The following GALNT5 variants were observed in gnomAD, a reference collection of about 807,000 sequenced individuals.
GALNT5 encodes the protein polypeptide N-acetylgalactosaminyltransferase 5, also known as UDP-GalNAc:polypeptide N-acetylgalactosaminyltransferase 5.
Under a neutral mutation model 85.4 loss-of-function variants are expected in GALNT5, and 72 were observed. The observed-to-expected ratio is 0.84, with a 90% CI of 0.70 to 1.03. GALNT5 has a LOEUF of 1.03. GALNT5 is among the 50% of genes least tolerant of loss of function. The pLI, the probability that GALNT5 is intolerant of heterozygous loss-of-function variation, is 0.00. For synonymous variants in GALNT5, 404 were observed against 397.0 expected (o/e 1.02, Z -0.21); for missense variants, 1,137 against 1,135.5 (o/e 1.00, Z -0.02).
Position 157,275,708 on chromosome 2 carries a change from G to C in GALNT5, c.1455-8574G>C, listed in dbSNP as rs1382048127. Among the ~76,000 whole-genome samples the C allele has an allele frequency of 5.3e-5, 8 of 152,298 alleles. No individual in the cohort carries two copies. The South Asian group carries it at 1.0e-3, about 20-fold the overall frequency. ...GAGACTTTGCTGAATTTGCTGGTCAGCTTAAGGAGATTTTGGGCTGAAACA... is the reference window on the plus strand; with the variant it reads ...GAGACTTTGCTGAATTTGCTGGTCACCTTAAGGAGATTTTGGGCTGAAACA... On this transcript the variant is annotated intron_variant, in intron 1 of 9. Coordinates refer to ENST00000259056, the MANE Select transcript of GALNT5 (RefSeq NM_014568.3).
intron 1 of GALNT5, among the ~76,000 whole-genome samples, chr2:157,278,587 T>C (rs1682789192): frequency 6.6e-6 from 1 of 152,214 alleles, no homozygotes; most frequent in South Asian, 2.1e-4. Context: ...TGATACCCTT[T>C]CTTCCACTTG....
In GALNT5 at chr2:157,314,355, AAC is replaced by A. The variant is rs1239577447; in HGVS notation, c.*3009_*3010del. 1 of 152,102 alleles carries A rather than the reference AAC, an allele frequency of 6.6e-6. No individual in the cohort carries two copies. Among genetic ancestry groups the A allele is most frequent in the Non-Finnish European group, 1.5e-5 (1 of 68,030 alleles). 9.4% of individuals were successfully genotyped at this position (152,102 alleles called of 1,614,324 possible). A position where few individuals can be genotyped will look rare whatever the true frequency, so the allele number is the denominator to read the frequency against. ...TTTGCACAATTTCTTTCTCCTTTTC[AAC>A]AGTTACCCAGCGCTTCTGCCCTACT... On this transcript the variant is annotated 3_prime_UTR_variant, in exon 10 of 10. Coordinates refer to ENST00000259056, the MANE Select transcript of GALNT5 (RefSeq NM_014568.3).
intron 5 of GALNT5, among the ~76,000 whole-genome samples, 176 bp downstream of exon 5, chr2:157,296,689 A>C (rs1455255342): frequency 6.6e-6 from 1 of 152,204 alleles, no homozygotes; most frequent in African/African-American, 2.4e-5. Flanking sequence ...CCCAAAACTC[A>C]TTCTTCACTG....
rs1683717429 is a variant in GALNT5, at chr2:157,316,949, A to T, written c.*5601A>T. Among the ~76,000 whole-genome samples the T allele has an allele frequency of 6.6e-6, 1 of 152,008 alleles. No homozygotes were observed. ...CAACTTCTAATATGCTGTTTCTAAT[A>T]ATGAGTCACCATCAAATAAGTAATA... On this transcript the variant is annotated 3_prime_UTR_variant, in exon 10 of 10. Coordinates refer to ENST00000259056, the MANE Select transcript of GALNT5 (RefSeq NM_014568.3).
At chr2:157,294,959 C>A (rs1683181185) in intron 3 of GALNT5, among the ~76,000 whole-genome samples, 1 of 56,604 alleles carries the variant, frequency 1.8e-5, no homozygotes, top group South Asian at 1.2e-3. Flanking sequence ...CTCCAAGTTT[C>A]TTTTCCTTTT....
At chr2:157,266,869 T>C (rs1206667285) in intron 1 of GALNT5, among the ~76,000 whole-genome samples, 1 of 152,182 alleles carries the variant, frequency 6.6e-6, no homozygotes, top group Non-Finnish European at 1.5e-5. Context: ...AAGAGATGCA[T>C]GATGGGAATT....
rs1683705243 is a variant in GALNT5 at position 157,316,386 on chromosome 2, T to C, written c.*5038T>C. On this transcript the variant is annotated 3_prime_UTR_variant, in exon 10 of 10. Coordinates refer to ENST00000259056, the MANE Select transcript of GALNT5 (RefSeq NM_014568.3). ...TTTCTAATGGCCTAAAATAAATTTT[T>C]AATGACTCCTGTATTAATATTACCA... Among the ~76,000 whole-genome samples the C allele has an allele frequency of 6.6e-6, 1 of 152,108 alleles. No homozygotes were observed. The highest frequency in any genetic ancestry group is 6.6e-5 in the Admixed American group (1 of 15,252).
intron 8 of GALNT5, among the ~76,000 whole-genome samples, chr2:157,307,106 T>C (rs185040208): frequency 2.0e-5 from 3 of 152,296 alleles, no homozygotes; most frequent in East Asian, 1.9e-4. Flanking sequence ...TGATGACCAT[T>C]GAGTCTTTCT....
At chr2:157,265,973 C>T (rs1682450262) in intron 1 of GALNT5, among the ~76,000 whole-genome samples, 2 of 152,218 alleles carry the variant, frequency 1.3e-5, no homozygotes, top group African/African-American at 4.8e-5. Context: ...CTTGCCTTCT[C>T]ATTTAATCCT....
intron 1 of GALNT5, among the ~76,000 whole-genome samples, chr2:157,275,785 ACTT>A: frequency 6.6e-6 from 1 of 152,156 alleles, no homozygotes; most frequent in East Asian, 1.9e-4. Flanking sequence ...GGACAATTTG[ACTT>A]CTTCTTTTCC....
chr2:157,307,974 G>A (rs1385619576), intron 8 of GALNT5, among the ~76,000 whole-genome samples: 1 of 152,228 alleles, frequency 6.6e-6, no homozygotes, highest in South Asian at 2.1e-4. Context: ...ATGAACTGGG[G>A]GATGCCAACC....
chr2:157,298,831 T>C (rs1431510405), intron 5 of GALNT5: 2 of 152,280 alleles, frequency 1.3e-5, no homozygotes, highest in Non-Finnish European at 2.9e-5. Flanking sequence ...AAACCCAAGG[T>C]GTCTACTGTC....
At chr2:157,288,487 C>A (rs1574025404) in intron 3 of GALNT5, among the ~76,000 whole-genome samples, 2 of 152,212 alleles carry the variant, frequency 1.3e-5, no homozygotes, top group East Asian at 1.9e-4. Context: ...GCAAATGGAA[C>A]AAGAAGTACA....
At chr2:157,308,787 C>A in intron 9 of GALNT5, 59 bp downstream of exon 9, 2 of 1,363,882 alleles carry the variant, frequency 1.5e-6, no homozygotes, top group Non-Finnish European at 2.0e-6. Flanking sequence ...TCAAATAGGA[C>A]ATAAAATTCT....
At chr2:157,266,312 G>T (rs115455743) in intron 1 of GALNT5, among the ~76,000 whole-genome samples, 544 of 152,322 alleles carry the variant, frequency 3.6e-3, no homozygotes, top group Middle Eastern at 0.017. Flanking sequence ...CAGCTCACAA[G>T]TGCCAATGTT....
In GALNT5 at chr2:157,315,037, C is replaced by T. The variant is rs2105177938; in HGVS notation, c.*3689C>T. Among the ~76,000 whole-genome samples, 1 of 152,178 alleles carries T rather than the reference C, an allele frequency of 6.6e-6. No homozygotes were observed. The highest frequency in any genetic ancestry group is 2.1e-4 in the South Asian group (1 of 4,818). Reference sequence around the variant, plus strand: ...AGGTTGCAGTGAGCTGAAATTGCGCCACTGCACTCCAGCCTAGACAACAGA... The same window carrying T: ...AGGTTGCAGTGAGCTGAAATTGCGCTACTGCACTCCAGCCTAGACAACAGA... On this transcript the variant is annotated 3_prime_UTR_variant, in exon 10 of 10. Coordinates refer to ENST00000259056, the MANE Select transcript of GALNT5 (RefSeq NM_014568.3).
At chr2:157,261,606 C>T (rs1242844382) in intron 1 of GALNT5, among the ~76,000 whole-genome samples, 1 of 152,212 alleles carries the variant, frequency 6.6e-6, no homozygotes, top group Non-Finnish European at 1.5e-5. Context: ...CAGGGGTCTA[C>T]CACCAGGGAT....
At chr2:157,269,068 C>T (rs1184640018) in intron 1 of GALNT5, among the ~76,000 whole-genome samples, 1 of 152,098 alleles carries the variant, frequency 6.6e-6, no homozygotes, top group Non-Finnish European at 1.5e-5. Context: ...ACAACCTATG[C>T]CAACTAGATG....
intron 9 of GALNT5, among the ~76,000 whole-genome samples, chr2:157,309,288 A>G (rs908374130): frequency 6.6e-6 from 1 of 152,156 alleles, no homozygotes; most frequent in Non-Finnish European, 1.5e-5. Flanking sequence ...TAATCATACC[A>G]CATTGGTAGC....
Sources: allele counts gnomAD v4.1 joint callset (sites outside exome capture counted in the v4.1 genomes callset), GRCh38; gene constraint gnomAD v4.1.1; transcripts MANE v1.5; gene names NCBI Gene and HGNC (gene_info 2026-07-23, HGNC 2026-07-21).